SLC22A25: variants seen among roughly 807,000 people sequenced by gnomAD.
SLC22A25 encodes the protein solute carrier family 22 member 25, also known as MGI:2442751, MGI:2385316, MGI:3042283, MGI:3645714, MGI:3605624, MGI:2442750.
A neutral mutation model predicts 45.9 loss-of-function variants in SLC22A25; 44 were observed. That is an observed-to-expected ratio of 0.96 (90% CI 0.75 to 1.23). The LOEUF (loss-of-function observed/expected upper bound fraction) is 1.23, where lower values mean the gene tolerates loss of function less well. SLC22A25 is among the 50% of genes most tolerant of loss of function. The pLI is 0.00. For missense variants in SLC22A25, 800 were observed against 666.4 expected (o/e 1.20, Z -2.21); for synonymous variants, 283 against 238.6 (o/e 1.19, Z -1.72).
At chr11:63,212,694 C>T (rs1445732552) in intron 7 of SLC22A25, among the ~76,000 whole-genome samples, 1 of 151,064 alleles carries the variant, frequency 6.6e-6, no homozygotes, top group African/African-American at 2.4e-5. Context: ...GAGGGATAGC[C>T]TAATGTTAAA....
chr11:63,187,219 A>C (rs1287180439), intron 7 of SLC22A25, among the ~76,000 whole-genome samples: 1 of 151,830 alleles, frequency 6.6e-6, no homozygotes, highest in African/African-American at 2.4e-5. Context: ...GTTTTATTTC[A>C]TTGAGCAGTG....
chr11:63,174,636 T>C (rs2088020313), intron 9 of SLC22A25, among the ~76,000 whole-genome samples: 2 of 152,264 alleles, frequency 1.3e-5, no homozygotes, highest in East Asian at 3.9e-4. Flanking sequence ...TCAAAACACC[T>C]ATTTACTTTT....
intron 5 of SLC22A25, among the ~76,000 whole-genome samples, chr11:63,227,570 G>A (rs2089986988): frequency 1.3e-5 from 2 of 152,196 alleles, no homozygotes; most frequent in Admixed American, 6.5e-5. Flanking sequence ...CAAATGGAAT[G>A]AAGGAGTCTA....
chr11:63,162,257 G>GT lies in SLC22A25; in HGVS notation c.*1566dup, dbSNP rs1649061025. Among the ~76,000 whole-genome samples, 1 of 152,264 alleles carries GT rather than the reference G, an allele frequency of 6.6e-6. No homozygotes were observed. Among genetic ancestry groups the GT allele is most frequent in the African/African-American group, 2.4e-5 (1 of 41,570 alleles). ...TGAATGTATCCTTTGCTGTGCAGAA[G>GT]TTTTTTAACTTGCTGTGATCCCATT... On this transcript the variant is annotated 3_prime_UTR_variant, in exon 12 of 12. Transcript: ENST00000306494.
chr11:63,175,820 G>GGTGT (rs937098880), intron 9 of SLC22A25, among the ~76,000 whole-genome samples: 13 of 148,990 alleles, frequency 8.7e-5, no homozygotes, highest in African/African-American at 2.8e-4. Context: ...AAGAAAATTG[G>GGTGT]GTGTGTATAT....
At chr11:63,222,805 C>A (rs1287516277) in intron 5 of SLC22A25, among the ~76,000 whole-genome samples, 1 of 90,098 alleles carries the variant, frequency 1.1e-5, no homozygotes, top group Non-Finnish European at 2.5e-5. Context: ...CTTCTATACC[C>A]AGTTTTTTTT....
chr11:63,189,645 G>A (rs577763731), intron 7 of SLC22A25, among the ~76,000 whole-genome samples: 1 of 152,138 alleles, frequency 6.6e-6, no homozygotes, highest in African/African-American at 2.4e-5. Flanking sequence ...AGCATCGATG[G>A]TCTTTACAAT....
At chr11:63,235,712 A>T (rs750517509) in intron 3 of SLC22A25, among the ~76,000 whole-genome samples, 1 of 151,986 alleles carries the variant, frequency 6.6e-6, no homozygotes, top group African/African-American at 2.4e-5. Context: ...TAGAGAGGAG[A>T]GGTGCTCTGA....
In SLC22A25 at chr11:63,159,659, C is replaced by T. The variant is rs186376368; in HGVS notation, c.*4165G>A. Among the ~76,000 whole-genome samples, 3 of 151,398 alleles carry T rather than the reference C, an allele frequency of 2.0e-5. No individual in the cohort carries two copies. In the Admixed American group the frequency reaches 2.0e-4, roughly 10 times the overall value. ...AAATTGGTACTGATAGAGTGAAGTGCTTCTGTAAAGATACCCACAAATGTG... is the reference window on the plus strand; with the variant it reads ...AAATTGGTACTGATAGAGTGAAGTGTTTCTGTAAAGATACCCACAAATGTG... On this transcript the variant is annotated 3_prime_UTR_variant, in exon 12 of 12. Coordinates refer to ENST00000306494, the MANE Select transcript of SLC22A25 (RefSeq NM_199352.6).
At chr11:63,186,573 C>T (rs1266687546) in intron 7 of SLC22A25, among the ~76,000 whole-genome samples, 1 of 152,098 alleles carries the variant, frequency 6.6e-6, no homozygotes, top group Non-Finnish European at 1.5e-5. Flanking sequence ...TCAATTTTGG[C>T]TTTTGTTGCC....
chr11:63,204,173 A>G (rs2089329190), intron 7 of SLC22A25, among the ~76,000 whole-genome samples: 1 of 152,266 alleles, frequency 6.6e-6, no homozygotes, highest in Non-Finnish European at 1.5e-5. Context: ...AAATATAAAA[A>G]GGAAAAACTG....
At chr11:63,164,769 C>A (rs760807130) in intron 10 of SLC22A25, 135 bp from the exon 11 acceptor site, 7 of 665,168 alleles carry the variant, frequency 1.1e-5, no homozygotes, top group Non-Finnish European at 1.6e-5. Flanking sequence ...TGCATAGAGG[C>A]AAAGAATGTG....
At chr11:63,201,177 A>C (rs1196014655) in intron 7 of SLC22A25, among the ~76,000 whole-genome samples, 1 of 152,216 alleles carries the variant, frequency 6.6e-6, no homozygotes, top group Non-Finnish European at 1.5e-5. Flanking sequence ...GAAACCAAAA[A>C]GGAGCCTGAA....
intron 7 of SLC22A25, among the ~76,000 whole-genome samples, chr11:63,200,613 T>C (rs2089208289): frequency 6.6e-6 from 1 of 152,032 alleles, no homozygotes. Context: ...GAGGTTGCCC[T>C]CTCTCACCAC....
chr11:63,224,486 G>GT (rs1370818305), intron 5 of SLC22A25, among the ~76,000 whole-genome samples: 4 of 152,010 alleles, frequency 2.6e-5, no homozygotes, highest in Non-Finnish European at 4.4e-5. Context: ...TTTTCTGGTT[G>GT]TTTTGTGGTC....
intron 7 of SLC22A25, among the ~76,000 whole-genome samples, chr11:63,212,804 T>A (rs554715987): frequency 0.042 from 6,190 of 148,544 alleles, 401 homozygotes; most frequent in African/African-American, 0.14. Flanking sequence ...AAGTATAATT[T>A]AAAAAAAAAA....
intron 7 of SLC22A25, among the ~76,000 whole-genome samples, chr11:63,188,766 A>T (rs2088671114): frequency 6.6e-6 from 1 of 152,188 alleles, no homozygotes; most frequent in East Asian, 1.9e-4. Context: ...CGTTGGCTTC[A>T]AAGAACATCT....
chr11:63,197,997 G>A (rs2134771388), intron 7 of SLC22A25, among the ~76,000 whole-genome samples: 1 of 152,298 alleles, frequency 6.6e-6, no homozygotes, highest in South Asian at 2.1e-4. Context: ...CTGGCCATCA[G>A]AGAAATGCAA....
intron 5 of SLC22A25, among the ~76,000 whole-genome samples, chr11:63,218,979 T>G (rs945787176): frequency 6.6e-6 from 1 of 152,234 alleles, no homozygotes; most frequent in East Asian, 1.9e-4. Context: ...GGCATGATTT[T>G]GTAGTGGAAA....
Sources: gnomAD v4.1 joint callset for allele counts (sites outside exome capture counted in the v4.1 genomes callset) on GRCh38, gnomAD v4.1.1 for gene constraint, MANE v1.5 for transcripts, NCBI Gene and HGNC (gene_info 2026-07-23, HGNC 2026-07-21) for gene names.